Variants in PUDP observed in about 807,000 individuals in gnomAD.
PUDP encodes pseudouridine 5'-phosphatase.
Under a neutral mutation model 9.4 loss-of-function variants are expected in PUDP, and 8 were observed. That is an observed-to-expected ratio of 0.85 (90% CI 0.50 to 1.53). The LOEUF (loss-of-function observed/expected upper bound fraction) is 1.53. Ranked by LOEUF, PUDP falls within the 40% of genes most tolerant of loss-of-function variation. PUDP has a pLI of 0.00. For synonymous variants in PUDP, 99 were observed against 80.7 expected (o/e 1.23, Z -1.22); for missense variants, 188 against 189.7 (o/e 0.99, Z 0.05).
At chrX:7,124,489 C>T (rs1015408449) in intron 1 of PUDP, among the ~76,000 whole-genome samples, 2 of 111,155 alleles carry the variant, frequency 1.8e-5, no homozygotes, top group Non-Finnish European at 3.8e-5. Flanking sequence ...GTGTGGGTGG[C>T]CTCTAATAGC....
At position 6,741,106 on chromosome X, in the gene PUDP, C is replaced by T. The variant is rs760991533; in HGVS notation, c.*248-34640G>A. 1.2e-3 allele frequency among the ~76,000 whole-genome samples: 125 copies of T among 107,400 alleles called. 2 individuals are homozygous for T. Among genetic ancestry groups the T allele is most frequent in the African/African-American group, 4.2e-3 (122 of 28,929 alleles). 93.3% of individuals were successfully genotyped at this position (107,400 alleles called of 115,157 possible). A position where few individuals can be genotyped will look rare whatever the true frequency, so the allele number is the denominator to read the frequency against. ...CCTGGGAGGTAGATGTTGCAGTGAG[C>T]CAAGATCGCACCACTGCACTCTAGC... On this transcript the variant is annotated intron_variant and NMD_transcript_variant, in intron 3 of 3. Transcript: ENST00000655425.
chrX:6,876,817 ATATG>A (rs957899223), intron 3 of PUDP, among the ~76,000 whole-genome samples: 8 of 111,064 alleles, frequency 7.2e-5, no homozygotes, highest in African/African-American at 2.7e-4. Context: ...GTATACACAT[ATATG>A]TGTGTACCTA....
chrX:6,974,879 G>C (rs1928929880), intron 3 of PUDP, among the ~76,000 whole-genome samples: 1 of 110,648 alleles, frequency 9.0e-6, no homozygotes, highest in Non-Finnish European at 1.9e-5. Flanking sequence ...TTTTCACATA[G>C]TCCCATATTT....
chrX:7,100,300 C>G (rs992534343), intron 2 of PUDP, among the ~76,000 whole-genome samples: 1 of 111,280 alleles, frequency 9.0e-6, no homozygotes, highest in Middle Eastern at 4.2e-3. Context: ...ACAGCCCCTG[C>G]AGCATGATCA....
chrX:6,795,445 C>A (rs1268054846), intron 3 of PUDP, among the ~76,000 whole-genome samples: 2 of 111,267 alleles, frequency 1.8e-5, no homozygotes, highest in Admixed American at 9.6e-5. Context: ...CTTTCCTTAA[C>A]TGCAGTTCCT....
At chrX:6,938,762 TTTTTC>T (rs1928351754) in intron 3 of PUDP, among the ~76,000 whole-genome samples, 1 of 104,922 alleles carries the variant, frequency 9.5e-6, no homozygotes, top group Non-Finnish European at 1.9e-5. Flanking sequence ...AAAGCACATT[TTTTTC>T]TTTTTCTTTT....
intron 3 of PUDP, among the ~76,000 whole-genome samples, chrX:6,908,541 T>C (rs1293754347): frequency 8.9e-6 from 1 of 111,944 alleles, no homozygotes; most frequent in Non-Finnish European, 1.9e-5. Context: ...GAACTTCCAG[T>C]GGTCCTGAAC....
intron 1 of PUDP, among the ~76,000 whole-genome samples, chrX:7,121,091 T>C (rs1217878765): frequency 1.8e-5 from 2 of 111,715 alleles, no homozygotes; most frequent in African/African-American, 3.3e-5. Context: ...GGTCACACAG[T>C]ATACTTTATG....
chrX:6,847,615 T>G (rs764296847), intron 3 of PUDP, among the ~76,000 whole-genome samples: 16 of 112,558 alleles, frequency 1.4e-4, no homozygotes, highest in Admixed American at 5.6e-4. Flanking sequence ...ACAAAACTCT[T>G]TATGATCAGG....
chrX:6,954,622 A>G (rs1010136966), intron 3 of PUDP, among the ~76,000 whole-genome samples: 1 of 112,166 alleles, frequency 8.9e-6, no homozygotes, highest in African/African-American at 3.2e-5. Flanking sequence ...ATTTGCTAAA[A>G]GGACTCACAG....
intron 1 of PUDP, chrX:7,117,065 T>C: frequency 6.0e-6 from 7 of 1,163,852 alleles, no homozygotes; most frequent in Non-Finnish European, 6.9e-6. Context: ...TAAACCGTTG[T>C]TCTTCTAAAT....
At chrX:6,919,897 A>AAAAAAAAAAAAAAAG (rs1927995097) in intron 3 of PUDP, among the ~76,000 whole-genome samples, 1 of 94,764 alleles carries the variant, frequency 1.1e-5, no homozygotes, top group African/African-American at 3.9e-5. Flanking sequence ...AAAAAAAAAA[A>AAAAAAAAAAAAAAAG]GAATGTCTGG....
At chrX:6,858,327 T>C (rs1004313677) in intron 3 of PUDP, among the ~76,000 whole-genome samples, 1 of 97,473 alleles carries the variant, frequency 1.0e-5, no homozygotes, top group Non-Finnish European at 2.1e-5. Flanking sequence ...TCTTTCTTTT[T>C]TTTTTTTCTT....
At chrX:6,889,915 A>G (rs774330789) in intron 3 of PUDP, among the ~76,000 whole-genome samples, 1 of 111,351 alleles carries the variant, frequency 9.0e-6, no homozygotes, top group Non-Finnish European at 1.9e-5. Flanking sequence ...GTGTGGGCAG[A>G]CAGGATTTGA....
At position 7,049,801 on chromosome X, in the gene PUDP, A is replaced by C. The variant is rs1313595245; in HGVS notation, c.*495T>G. On this transcript the variant is annotated 3_prime_UTR_variant, in exon 4 of 4. Transcript: ENST00000381077. ...ATATGCATACATAAAGCATATACTT[A>C]TATGCATACACAGTTTACATTTCCC... 1 of 113,714 alleles carries C rather than the reference A, an allele frequency of 8.8e-6. No individual in the cohort carries two copies. The highest frequency in any genetic ancestry group is 3.2e-5 in the African/African-American group (1 of 30,928). 9.4% of individuals were successfully genotyped at this position (113,714 alleles called of 1,213,427 possible).
intron 3 of PUDP, among the ~76,000 whole-genome samples, chrX:6,783,065 G>A (rs1396346643): frequency 9.0e-6 from 1 of 111,502 alleles, no homozygotes; most frequent in Non-Finnish European, 1.9e-5. Flanking sequence ...AAAGTTAGGT[G>A]TTCCTAGCCT....
intron 1 of PUDP, among the ~76,000 whole-genome samples, chrX:6,714,490 A>C (rs1427924480): frequency 8.9e-6 from 1 of 111,763 alleles, no homozygotes; most frequent in African/African-American, 3.3e-5. Context: ...ATGTCTTTTG[A>C]TGTATAGATA....
chrX:7,074,033 C>T (rs1363254321), intron 3 of PUDP, among the ~76,000 whole-genome samples: 1 of 112,659 alleles, frequency 8.9e-6, no homozygotes, highest in Non-Finnish European at 1.9e-5. Flanking sequence ...ATAACTGGTC[C>T]CATGCAATGG....
chrX:6,919,970 G>A lies in PUDP; in HGVS notation c.*247+57163C>T, dbSNP rs762127068. ...AACAGGATAGTCATGTGATTTAGAT[G>A]TATTAAGATGAATCCCAGAGAGAGC... On this transcript the variant is annotated intron_variant and NMD_transcript_variant, in intron 3 of 3. Transcript: ENST00000655425. Among the ~76,000 whole-genome samples, 4 of 102,234 alleles carry A rather than the reference G, an allele frequency of 3.9e-5. No homozygotes were observed. The South Asian group carries it at 2.1e-3, about 53-fold the overall frequency. 88.8% of individuals were successfully genotyped at this position (102,234 alleles called of 115,157 possible).
Sources: allele counts gnomAD v4.1 joint callset (sites outside exome capture counted in the v4.1 genomes callset), GRCh38; gene constraint gnomAD v4.1.1; transcripts MANE v1.5; gene names NCBI Gene and HGNC (gene_info 2026-07-23, HGNC 2026-07-21).